Variants in NFIC observed in about 807,000 individuals in gnomAD.
NFIC encodes the protein nuclear factor I C.
Under a neutral mutation model 54.4 loss-of-function variants are expected in NFIC, and 12 were observed. The ratio of observed to expected loss-of-function variants is 0.22; its 90% confidence interval spans 0.14 to 0.36. NFIC has a LOEUF of 0.36. Ranked by LOEUF, NFIC falls within the 10% of genes least tolerant of loss-of-function variation. NFIC has a pLI of 1.00. For synonymous variants in NFIC, 322 were observed against 319.2 expected, an observed-to-expected ratio of 1.01 and a Z score of -0.09; for missense variants, 575 against 718.2, an observed-to-expected ratio of 0.80 and a Z score of 2.28.
Position 3,408,645 on chromosome 19 carries a change from G to A in NFIC, c.563-16461G>A, listed in dbSNP as rs575624736. ...TTTTATTTTATTTTATTTTTGAGACGGAGTCTCACTCTGTCGCGCCAACTC... is the reference window on the plus strand; with the variant it reads ...TTTTATTTTATTTTATTTTTGAGACAGAGTCTCACTCTGTCGCGCCAACTC... On this transcript the variant is annotated intron_variant, in intron 2 of 10. Transcript: ENST00000443272. Among the ~76,000 whole-genome samples the A allele has an allele frequency of 1.2e-4, 19 of 152,012 alleles. No individual in the cohort carries two copies. The South Asian group carries it at 2.5e-3, about 20-fold the overall frequency.
chr19:3,376,831 T>G (rs528747178), intron 1 of NFIC, among the ~76,000 whole-genome samples: 23 of 152,022 alleles, frequency 1.5e-4, no homozygotes, highest in African/African-American at 5.5e-4. Flanking sequence ...CGGGTTCAAG[T>G]GATTCTCCTG....
At position 3,390,335 on chromosome 19, in the gene NFIC, G is replaced by T. The variant is rs1441667442; in HGVS notation, c.562+8092G>T. 4.6e-5 allele frequency among the ~76,000 whole-genome samples: 7 copies of T among 152,222 alleles called. 1 individual carries two copies. The highest frequency in any genetic ancestry group is 1.3e-4 in the Admixed American group (2 of 15,278). ...AGCTGATGGTGTATTTATAGCAACG[G>T]CAGGAGTCCGCGGGGCATACGTCAG... On this transcript the variant is annotated intron_variant, in intron 2 of 10. Transcript: ENST00000443272.
At chr19:3,365,959 G>A (rs2080874997), upstream of NFIC, among the ~76,000 whole-genome samples, 2 of 152,300 alleles carry the variant, frequency 1.3e-5, no homozygotes, top group East Asian at 1.9e-4. Flanking sequence ...CCAGCTCACC[G>A]TGCACCCAGG....
intron 1 of NFIC, among the ~76,000 whole-genome samples, chr19:3,377,237 G>A (rs557365975): frequency 6.8e-6 from 1 of 148,040 alleles, no homozygotes; most frequent in South Asian, 2.2e-4. Context: ...AGGAGGCTGA[G>A]GCAGGAGAAT....
Position 3,452,801 on chromosome 19 carries a change from C to A in NFIC, c.1269+135C>A. 1 of 1,115,548 alleles carries A rather than the reference C, an allele frequency of 9.0e-7. No homozygotes were observed. Among genetic ancestry groups the A allele is most frequent in the Non-Finnish European group, 1.3e-6 (1 of 796,596 alleles). The allele number at this position is 1,115,548 out of a possible 1,614,324, so 69.1% of individuals were successfully genotyped here. A position where few individuals can be genotyped will look rare whatever the true frequency, so the allele number is the denominator to read the frequency against. On this transcript the variant is annotated intron_variant, in intron 8 of 10. Transcript: ENST00000443272. The surrounding 1 kb of genome is among the most constrained non-coding windows in gnomAD (Gnocchi z 5.3). ...TTGGCTCTGAAGTCCCCTCCTCTGT[C>A]GTGCTGGGAGGCAGCTGGATTGGGT...
intron 2 of NFIC, among the ~76,000 whole-genome samples, chr19:3,383,856 G>A (rs1192107711): frequency 6.6e-6 from 1 of 152,194 alleles, no homozygotes; most frequent in Non-Finnish European, 1.5e-5. Flanking sequence ...GGGCCAGACT[G>A]CCCATGCTCC....
chr19:3,446,465 C>T (rs529752168), intron 6 of NFIC, among the ~76,000 whole-genome samples: 1 of 152,182 alleles, frequency 6.6e-6, no homozygotes, highest in Non-Finnish European at 1.5e-5. Flanking sequence ...GGGCCCCACC[C>T]CAGAGAATGA....
chr19:3,463,335 G>C lies in NFIC; in HGVS notation c.*566G>C. The stretch of plus-strand genomic sequence containing the variant: ...CCCCCACCGAGGACGCAGCCACTGG[G>C]GGGAAAGGGAGACACAGCGGACCCC... On this transcript the variant is annotated 3_prime_UTR_variant, in exon 11 of 11. Transcript: ENST00000443272. 1 of 986,750 alleles carries C rather than the reference G, an allele frequency of 1.0e-6. No homozygotes were observed. The allele number at this position is 986,750 out of a possible 1,614,324, so 61.1% of individuals were successfully genotyped here.
chr19:3,378,885 T>C (rs1053352254), intron 1 of NFIC, among the ~76,000 whole-genome samples: 2 of 152,080 alleles, frequency 1.3e-5, no homozygotes, highest in African/African-American at 2.4e-5. Flanking sequence ...GGATTTCTCC[T>C]CCCTCTGATT....
At chr19:3,361,099 C>G (rs572869347) in intron 1 of NFIC, among the ~76,000 whole-genome samples, 87 of 152,350 alleles carry the variant, frequency 5.7e-4, no homozygotes, top group Admixed American at 4.9e-3. Context: ...CCACTTCCCC[C>G]AGCCTTCGGG....
chr19:3,403,789 G>A (rs932605728), intron 2 of NFIC, among the ~76,000 whole-genome samples: 1 of 152,192 alleles, frequency 6.6e-6, no homozygotes, highest in Non-Finnish European at 1.5e-5. Flanking sequence ...ATATCAGAAG[G>A]AAGGGGAAGC....
At chr19:3,390,369 A>G (rs1481796214) in intron 2 of NFIC, among the ~76,000 whole-genome samples, 2 of 152,200 alleles carry the variant, frequency 1.3e-5, no homozygotes, top group Non-Finnish European at 2.9e-5. Flanking sequence ...AGTGGTAAAG[A>G]GGGACGGGCA....
chr19:3,463,124 T>A lies in NFIC; in HGVS notation c.*355T>A. 1 of 1,151,430 alleles carries A rather than the reference T, an allele frequency of 8.7e-7. No individual in the cohort carries two copies. Among genetic ancestry groups the A allele is most frequent in the Non-Finnish European group, 1.1e-6 (1 of 934,938 alleles). The allele number at this position is 1,151,430 out of a possible 1,614,324, so 71.3% of individuals were successfully genotyped here. A position where few individuals can be genotyped will look rare whatever the true frequency, so the allele number is the denominator to read the frequency against. ...GCGTCTTCCTAAGTTATTCATCTCC[T>A]CTCCGCCTGCTGCTCGGGAAGGACA... On this transcript the variant is annotated 3_prime_UTR_variant, in exon 11 of 11. Transcript: ENST00000443272.
intron 1 of NFIC, among the ~76,000 whole-genome samples, chr19:3,372,770 G>A (rs2081044653): frequency 6.6e-6 from 1 of 151,806 alleles, no homozygotes; most frequent in African/African-American, 2.4e-5. Flanking sequence ...CTGACTGTGT[G>A]ACTTTGGTGG....
intron 6 of NFIC, among the ~76,000 whole-genome samples, chr19:3,439,204 G>A (rs1004094018): frequency 2.7e-5 from 4 of 150,588 alleles, no homozygotes; most frequent in African/African-American, 9.8e-5. Flanking sequence ...ACATAGTGGT[G>A]TACACCTGTA....
intron 1 of NFIC, among the ~76,000 whole-genome samples, chr19:3,377,887 G>T (rs2081135598): frequency 6.6e-6 from 1 of 151,822 alleles, no homozygotes; most frequent in African/African-American, 2.4e-5. Context: ...CTCCCAAGTA[G>T]CTGGGACTAC....
At chr19:3,440,421 C>G (rs1464975414) in intron 6 of NFIC, among the ~76,000 whole-genome samples, 2 of 150,926 alleles carry the variant, frequency 1.3e-5, no homozygotes, top group African/African-American at 2.5e-5. Flanking sequence ...GACCCCTGGT[C>G]TGGGCCACTC....
intron 9 of NFIC, among the ~76,000 whole-genome samples, chr19:3,456,223 G>A (rs1264538531): frequency 6.6e-6 from 1 of 152,218 alleles, no homozygotes; most frequent in Non-Finnish European, 1.5e-5. Context: ...CCGGGCGGGC[G>A]CTGCCCACCC....
At chr19:3,407,257 G>A (rs896755720) in intron 2 of NFIC, among the ~76,000 whole-genome samples, 7 of 151,754 alleles carry the variant, frequency 4.6e-5, no homozygotes, top group African/African-American at 1.7e-4. Flanking sequence ...GGGACTACAG[G>A]CGCCCGCCAC....
Sources: gnomAD v4.1 joint callset for allele counts (sites outside exome capture counted in the v4.1 genomes callset) on GRCh38, gnomAD v4.1.1 for gene constraint, Gnocchi (gnomAD v3.1) non-coding constraint, MANE v1.5 for transcripts, NCBI Gene and HGNC (gene_info 2026-07-23, HGNC 2026-07-21) for gene names.